The following TUBE1 variants were observed in gnomAD, a reference collection of about 807,000 sequenced individuals.
TUBE1 encodes tubulin epsilon chain.
Under a neutral mutation model 53.5 loss-of-function variants are expected in TUBE1, and 34 were observed. The ratio of observed to expected loss-of-function variants is 0.64; its 90% CI spans 0.48 to 0.85. The LOEUF (loss-of-function observed/expected upper bound fraction) is 0.85. Among genes scored for constraint, TUBE1 ranks in the 40% least tolerant of loss-of-function variants. TUBE1 has a pLI of 0.00. For synonymous variants in TUBE1, 177 were observed against 198.4 expected (o/e 0.89, Z 0.91); for missense variants, 532 against 570.5 (o/e 0.93, Z 0.69).
rs782308576 is a variant in TUBE1, at chr6:112,072,855, G to A, written c.997C>T (p.Leu333=). 3.4e-5 allele frequency: 55 copies of A among 1,613,432 alleles called. No homozygotes were observed. The highest frequency in any genetic ancestry group is 4.4e-5 in the Non-Finnish European group (52 of 1,179,704). Residue 333 remains leucine, a synonymous_variant, in exon 10 of 12, where the codon CTG becomes TTG. Coordinates refer to ENST00000368662, the MANE Select transcript of TUBE1 (RefSeq NM_016262.5). ...CTGTGTTTGGGGTCTGCCCGAAGCA[G>A]CTGGTGATCTTTACTAAAGGCATCT... ...FSDAFSKDHQ[L]LRADPKHSLY... is the part of the protein sequence containing the mutation.
chr6:112,084,017 C>T lies in TUBE1; in HGVS notation c.210+172G>A, dbSNP rs587770558. The stretch of plus-strand genomic sequence containing the variant: ...CAGTGTTTTAAAGTATGGGCTTTTC[C>T]CCCTAATGTGTTAGGTGGACACAAA... On this transcript the variant is annotated intron_variant, in intron 4 of 11. Transcript: ENST00000368662. 3.1e-4 allele frequency: 188 copies of T among 601,832 alleles called. No individual in the cohort carries two copies. The African/African-American group carries it at 3.2e-3, about 10-fold the overall frequency. The allele number at this position is 601,832 out of a possible 1,614,324, so 37.3% of individuals were successfully genotyped here.
chr6:112,079,608 C>G (rs1562604634), intron 6 of TUBE1, 25 bp downstream of exon 6: 1 of 1,608,580 alleles, frequency 6.2e-7, no homozygotes, highest in Non-Finnish European at 8.5e-7. Context: ...AACACTGTTA[C>G]AGGCAAATGA....
At chr6:112,086,659 A>G in intron 2 of TUBE1, 51 bp from the exon 3 acceptor site, 1 of 1,275,934 alleles carries the variant, frequency 7.8e-7, no homozygotes, top group African/African-American at 1.5e-5. Flanking sequence ...TTCTCGCCCA[A>G]ATCAAGTTCT....
chr6:112,072,680 G>A, intron 10 of TUBE1, 78 bp downstream of exon 10: 1 of 1,471,520 alleles, frequency 6.8e-7, no homozygotes, highest in Admixed American at 1.9e-5. Context: ...AGAATTTGAA[G>A]GGCGGCTGTT....
In TUBE1 at chr6:112,084,180, G is replaced by A. The variant is rs1777113832; in HGVS notation, c.210+9C>T. ...ATGTAATATAAGAATCCAAGCATAT[G>A]TATCTTACTCGTGCTTTTAAAGAAC... is the stretch of plus-strand genomic sequence containing the variant. On this transcript the variant is annotated intron_variant, in intron 4 of 11. Transcript: ENST00000368662. The A allele has an allele frequency of 2.5e-6, 4 of 1,590,820 alleles. No individual in the cohort carries two copies. The highest frequency in any genetic ancestry group is 3.5e-6 in the Non-Finnish European group (4 of 1,159,152).
rs782149773 is a variant in TUBE1 at position 112,072,092 on chromosome 6, A to G, written c.1095-16T>C. 3.8e-6 allele frequency: 6 copies of G among 1,565,540 alleles called. No individual in the cohort carries two copies. The highest frequency in any genetic ancestry group is 5.2e-6 in the Non-Finnish European group (6 of 1,163,550). On this transcript the variant is annotated splice_polypyrimidine_tract_variant and intron_variant, in intron 10 of 11. Transcript: ENST00000368662. ...TGGTTTTAATCTGAGATTAAAAAAA[A>G]AAATCTCAGAAGGTGAGAACTAAGG... is the stretch of plus-strand genomic sequence containing the variant.
chr6:112,077,408 G>A (rs1480680598), intron 6 of TUBE1: 2 of 152,052 alleles, frequency 1.3e-5, no homozygotes, highest in Admixed American at 1.3e-4. Context: ...CCTCTAATCC[G>A]ATGTTTTTCA....
At position 112,071,235 on chromosome 6, in the gene TUBE1, C is replaced by G. The variant is rs1347002088; in HGVS notation, c.*177G>C. On this transcript the variant is annotated 3_prime_UTR_variant, in exon 12 of 12. Coordinates refer to ENST00000368662, the MANE Select transcript of TUBE1 (RefSeq NM_016262.5). ...TTGAAGTTAAGGTACTAAGATTTCACTAATTTCACACATTGGTATTACCAA... is the reference window on the plus strand; with the variant it reads ...TTGAAGTTAAGGTACTAAGATTTCAGTAATTTCACACATTGGTATTACCAA... 1 of 529,994 alleles carries G rather than the reference C, an allele frequency of 1.9e-6. No individual in the cohort carries two copies. Among genetic ancestry groups the G allele is most frequent in the Non-Finnish European group, 3.1e-6 (1 of 318,010 alleles). 32.8% of individuals were successfully genotyped at this position (529,994 alleles called of 1,614,324 possible). A position where few individuals can be genotyped will look rare whatever the true frequency, so the allele number is the denominator to read the frequency against.
At position 112,072,848 on chromosome 6, in the gene TUBE1, C is replaced by A. The variant is rs587773764; in HGVS notation, c.1004G>T (p.Arg335Leu). 2.5e-6 allele frequency: 4 copies of A among 1,613,498 alleles called. No homozygotes were observed. Among genetic ancestry groups the A allele is most frequent in the Non-Finnish European group, 3.4e-6 (4 of 1,179,694 alleles). Residue 335 changes from arginine (R) to leucine (L), a missense_variant, in exon 10 of 12, where the codon CGG becomes CTG. Physicochemically the swap from Arg to Leu is moderately radical, Grantham distance 102. Coordinates refer to ENST00000368662, the MANE Select transcript of TUBE1 (RefSeq NM_016262.5). Reference protein sequence around the residue: ...DAFSKDHQLLRADPKHSLYLA... With the variant: ...DAFSKDHQLLLADPKHSLYLA... The stretch of plus-strand genomic sequence containing the variant: ...GTAAAGACTGTGTTTGGGGTCTGCC[C>A]GAAGCAGCTGGTGATCTTTACTAAA...
In TUBE1 at chr6:112,071,012, C is replaced by T. The variant is rs917493046; in HGVS notation, c.*400G>A. The T allele has an allele frequency of 1.3e-5, 2 of 151,906 alleles. No homozygotes were observed. Among genetic ancestry groups the T allele is most frequent in the Admixed American group, 1.3e-4 (2 of 15,248 alleles). 9.4% of individuals were successfully genotyped at this position (151,906 alleles called of 1,614,324 possible). On this transcript the variant is annotated 3_prime_UTR_variant, in exon 12 of 12. Transcript: ENST00000368662. ...TGTGTTCTTCTACTCCCAATAACTA[C>T]TTTTAAAGAATCAGGATAACTTAAA...
Position 112,071,988 on chromosome 6 carries a change from A to C in TUBE1, c.1183T>G (p.Ser395Ala). 1 of 1,613,394 alleles carries C rather than the reference A, an allele frequency of 6.2e-7. No individual in the cohort carries two copies. Among genetic ancestry groups the C allele is most frequent in the South Asian group, 1.1e-5 (1 of 91,022 alleles). Residue 395 changes from serine (S) to alanine (A), a missense_variant, in exon 11 of 12, where the codon TCG (serine) becomes GCG (alanine). By Grantham distance (99) the Ser-to-Ala change is moderately conservative (BLOSUM62 1). Coordinates refer to ENST00000368662, the MANE Select transcript of TUBE1 (RefSeq NM_016262.5). Reference sequence around the variant, plus strand: ...GTGTTATTTGCTAAAGCTAATAACGAATGAGAATGGCCCACAGGAGGTACG... The same window carrying C: ...GTGTTATTTGCTAAAGCTAATAACGCATGAGAATGGCCCACAGGAGGTACG... ...CSVPPVGHSHSLLALANNTCV... is the reference protein window; with the variant it reads ...CSVPPVGHSHALLALANNTCV...
intron 2 of TUBE1, 182 bp downstream of exon 2, chr6:112,087,051 G>A (rs935142012): frequency 1.6e-6 from 1 of 610,878 alleles, no homozygotes; most frequent in East Asian, 2.8e-5. Context: ...AAGGTCGCTG[G>A]CCAGTGTTCT....
chr6:112,086,758 C>T (rs1241950972), intron 2 of TUBE1, 150 bp from the exon 3 acceptor site: 1 of 595,382 alleles, frequency 1.7e-6, no homozygotes, highest in African/African-American at 1.9e-5. Flanking sequence ...CCTGACTCTT[C>T]CCAATCTCCT....
At chr6:112,074,199 C>G (rs1434134424) in intron 9 of TUBE1, among the ~76,000 whole-genome samples, 1 of 152,140 alleles carries the variant, frequency 6.6e-6, no homozygotes, top group Non-Finnish European at 1.5e-5. Context: ...GTTAAGTATA[C>G]TGATGTAATC....
chr6:112,087,066 GT>G (rs1462701644), intron 2 of TUBE1, 166 bp downstream of exon 2: 14 of 649,408 alleles, frequency 2.2e-5, no homozygotes, highest in Non-Finnish European at 3.4e-5. Context: ...TGTTCTTTTA[GT>G]TTAGTGTGTG....
chr6:112,075,064 C>CTTTTTTTTTTTTTTTTTTTTTTTT lies in TUBE1; in HGVS notation c.813-215_813-214insAAAAAAAAAAAAAAAAAAAAAAAA. ...CACACAACATCTACATTTTTTTTTT[C>CTTTTTTTTTTTTTTTTTTTTTTTT]TTTCTTTTTTTTTTTTTTTTGAGAC... On this transcript the variant is annotated intron_variant, in intron 8 of 11. Transcript: ENST00000368662. The CTTTTTTTTTTTTTTTTTTTTTTTT allele has an allele frequency of 1.2e-5, 2 of 164,854 alleles. 1 individual carries two copies. The highest frequency in any genetic ancestry group is 2.3e-5 in the Non-Finnish European group (2 of 87,658). 10.2% of individuals were successfully genotyped at this position (164,854 alleles called of 1,614,324 possible).
chr6:112,076,019 A>T lies in TUBE1; in HGVS notation c.730T>A (p.Ser244Thr), dbSNP rs1368401231. The T allele has an allele frequency of 1.9e-6, 3 of 1,613,876 alleles. No individual in the cohort carries two copies. The African/African-American group carries it at 4.0e-5, about 22-fold the overall frequency. ...TTATGCTGCTTTTTTAAAGCCCCAGAACTTGAAGTAACCAGACTCTTTGGC... is the reference window on the plus strand; with the variant it reads ...TTATGCTGCTTTTTTAAAGCCCCAGTACTTGAAGTAACCAGACTCTTTGGC... ...VKPKSLVTSS[S>T]GALKKQHKKP... Residue 244 changes from serine (S) to threonine (T), a missense_variant, in exon 8 of 12, where the codon TCT (serine) becomes ACT (threonine). Transcript: ENST00000368662.
intron 4 of TUBE1, among the ~76,000 whole-genome samples, chr6:112,082,051 C>T (rs978618140): frequency 6.6e-6 from 1 of 152,008 alleles, no homozygotes. Context: ...AGGAAGTGCT[C>T]GGTTTATGGC....
chr6:112,085,968 G>A (rs1185193879), intron 3 of TUBE1, among the ~76,000 whole-genome samples: 1 of 152,200 alleles, frequency 6.6e-6, no homozygotes, highest in Non-Finnish European at 1.5e-5. Context: ...AACTAGAACT[G>A]ATGTTCCTAT....
Sources: allele counts gnomAD v4.1 joint callset (sites outside exome capture counted in the v4.1 genomes callset), GRCh38; gene constraint gnomAD v4.1.1; transcripts MANE v1.5; gene names NCBI Gene and HGNC (gene_info 2026-07-23, HGNC 2026-07-21).